Variants in SCN8A observed in about 807,000 individuals in gnomAD.
SCN8A encodes the protein sodium channel protein type 8 subunit alpha.
SCN8A carries 30 observed loss-of-function variants against 184.1 expected under a neutral mutation model. That is an observed-to-expected ratio of 0.16 (90% CI 0.12 to 0.22). The LOEUF is 0.22. Ranked by LOEUF, SCN8A falls within the 10% of genes least tolerant of loss-of-function variation. SCN8A has a pLI of 1.00. For synonymous variants in SCN8A, 852 were observed against 907.0 expected (o/e 0.94, Z 1.09); for missense variants, 1,057 against 2,498.9 (o/e 0.42, Z 12.30).
intron 11 of SCN8A, among the ~76,000 whole-genome samples, chr12:51,709,726 G>GA (rs139288774): frequency 5.7e-4 from 85 of 148,852 alleles, no homozygotes; most frequent in African/African-American, 1.7e-3. Context: ...CTTTGTGGAA[G>GA]AAAAAAAAAC....
At chr12:51,600,638 A>T (rs1400739229) in intron 1 of SCN8A, among the ~76,000 whole-genome samples, 1 of 152,176 alleles carries the variant, frequency 6.6e-6, no homozygotes, top group Non-Finnish European at 1.5e-5. Flanking sequence ...TACAGTGGTA[A>T]CTTAGAGCAA....
intron 1 of SCN8A, among the ~76,000 whole-genome samples, chr12:51,646,091 A>G (rs917044081): frequency 4.6e-5 from 7 of 151,734 alleles, no homozygotes; most frequent in Non-Finnish European, 8.8e-5. Context: ...CCAGGAACAC[A>G]TTCAGGAACA....
intron 1 of SCN8A, among the ~76,000 whole-genome samples, chr12:51,621,448 A>G (rs1939960272): frequency 6.6e-6 from 1 of 152,238 alleles, no homozygotes; most frequent in African/African-American, 2.4e-5. Context: ...ATTTAGAAAT[A>G]CAAAGTGCAT....
chr12:51,702,557 C>T (rs1464559456), intron 8 of SCN8A, among the ~76,000 whole-genome samples: 4 of 152,130 alleles, frequency 2.6e-5, no homozygotes, highest in Non-Finnish European at 5.9e-5. Flanking sequence ...TTTTAAAGAC[C>T]ATGCCAGGTG....
intron 1 of SCN8A, among the ~76,000 whole-genome samples, chr12:51,642,213 A>G (rs1393837918): frequency 6.6e-6 from 1 of 152,190 alleles, no homozygotes; most frequent in Non-Finnish European, 1.5e-5. Flanking sequence ...AATTGAAACA[A>G]GAAAGGAATG....
In SCN8A at chr12:51,806,272, C is replaced by G; in HGVS notation, c.4796-10C>G. 1.3e-6 allele frequency: 2 copies of G among 1,505,138 alleles called. No homozygotes were observed. Among genetic ancestry groups the G allele is most frequent in the Non-Finnish European group, 1.8e-6 (2 of 1,128,378 alleles). The allele number at this position is 1,505,138 out of a possible 1,614,324, so 93.2% of individuals were successfully genotyped here. The stretch of plus-strand genomic sequence containing the variant: ...CTCAATAACATAACTTCTTCTATTC[C>G]TCTTCTTAGGAATGTTCCTGGCAGA... On this transcript the variant is annotated splice_polypyrimidine_tract_variant and intron_variant, in intron 26 of 26. Transcript: ENST00000627620. The surrounding 1 kb of genome is among the most constrained non-coding windows in gnomAD (Gnocchi z 8.7).
At chr12:51,747,759 C>T (rs1942535574) in intron 13 of SCN8A, among the ~76,000 whole-genome samples, 1 of 152,056 alleles carries the variant, frequency 6.6e-6, no homozygotes, top group African/African-American at 2.4e-5. Flanking sequence ...TGGATACAAA[C>T]CATTGGGACG....
In SCN8A at chr12:51,747,081, C is replaced by CTGTGTGTG. The variant is rs1328800141; in HGVS notation, c.2131+1053_2131+1054insGTGTGTGT. On this transcript the variant is annotated intron_variant, in intron 13 of 26. Transcript: ENST00000627620. ...ATTTAAACCCAGTGCCACTTCTACTCTGTGTGTATGTGTGTGTGTGTGTGT... is the reference window on the plus strand; with the variant it reads ...ATTTAAACCCAGTGCCACTTCTACTCTGTGTGTGTGTGTGTATGTGTGTGTGTGTGTGT... 1.3e-3 allele frequency among the ~76,000 whole-genome samples: 122 copies of CTGTGTGTG among 90,612 alleles called. 2 individuals carry two copies. Among genetic ancestry groups the CTGTGTGTG allele is most frequent in the Admixed American group, 3.7e-3 (27 of 7,200 alleles). The allele number at this position is 90,612 out of a possible 152,430, so 59.4% of individuals were successfully genotyped here. A position where few individuals can be genotyped will look rare whatever the true frequency, so the allele number is the denominator to read the frequency against.
At chr12:51,616,724 G>A (rs1195818370) in intron 1 of SCN8A, among the ~76,000 whole-genome samples, 1 of 151,798 alleles carries the variant, frequency 6.6e-6, no homozygotes, top group African/African-American at 2.4e-5. Context: ...GTTTGAGACA[G>A]GCTGGGCAAC....
At chr12:51,740,685 T>C (rs1181926523) in intron 12 of SCN8A, among the ~76,000 whole-genome samples, 1 of 152,206 alleles carries the variant, frequency 6.6e-6, no homozygotes. Context: ...TAGGTCATCC[T>C]TAGTGTAGGT....
intron 15 of SCN8A, among the ~76,000 whole-genome samples, chr12:51,765,291 T>G (rs1233900096): frequency 6.6e-6 from 1 of 152,110 alleles, no homozygotes; most frequent in Non-Finnish European, 1.5e-5. Context: ...CCCATACTAG[T>G]CTTTTGGTTT....
At chr12:51,620,673 C>T (rs973818405) in intron 1 of SCN8A, among the ~76,000 whole-genome samples, 4 of 151,628 alleles carry the variant, frequency 2.6e-5, no homozygotes, top group African/African-American at 9.7e-5. Flanking sequence ...GAACCTGTTC[C>T]ACATCAGCTA....
intron 12 of SCN8A, among the ~76,000 whole-genome samples, chr12:51,740,867 C>T (rs1942411351): frequency 6.6e-6 from 1 of 152,174 alleles, no homozygotes; most frequent in African/African-American, 2.4e-5. Context: ...CCGCTGCAGC[C>T]TCAACCTTAC....
intron 26 of SCN8A, among the ~76,000 whole-genome samples, chr12:51,798,460 C>T (rs1938470012): frequency 6.6e-6 from 1 of 152,172 alleles, no homozygotes; most frequent in Non-Finnish European, 1.5e-5. Context: ...AAGCAGCCTA[C>T]CACCAAGTAG....
intron 20 of SCN8A, among the ~76,000 whole-genome samples, chr12:51,776,834 G>A (rs749556484): frequency 1.1e-4 from 17 of 152,188 alleles, no homozygotes; most frequent in Non-Finnish European, 1.5e-4. Flanking sequence ...GTTACTCATC[G>A]CATTTGTTTC....
At chr12:51,792,103 A>G (rs1365327304) in intron 25 of SCN8A, among the ~76,000 whole-genome samples, 1 of 152,108 alleles carries the variant, frequency 6.6e-6, no homozygotes, top group Non-Finnish European at 1.5e-5. Context: ...ATTGTAGGAA[A>G]AAAATTAACT....
chr12:51,759,796 G>A (rs1354174646), intron 14 of SCN8A, among the ~76,000 whole-genome samples: 1 of 152,206 alleles, frequency 6.6e-6, no homozygotes, highest in Non-Finnish European at 1.5e-5. Flanking sequence ...ACCATAGACT[G>A]GGTAATTTAT....
chr12:51,722,613 AT>A (rs1333745861), intron 12 of SCN8A: 1 of 152,336 alleles, frequency 6.6e-6, no homozygotes, highest in Admixed American at 6.5e-5. Flanking sequence ...AAAGAGGCCA[AT>A]AGGAAACTGG....
chr12:51,651,303 AAGT>A, intron 1 of SCN8A, among the ~76,000 whole-genome samples: 1 of 152,298 alleles, frequency 6.6e-6, no homozygotes, highest in South Asian at 2.1e-4. Flanking sequence ...TGCTGGGATC[AAGT>A]GATTCTCCTG....
Sources: gnomAD v4.1 joint callset for allele counts (sites outside exome capture counted in the v4.1 genomes callset) on GRCh38, gnomAD v4.1.1 for gene constraint, Gnocchi (gnomAD v3.1) non-coding constraint, MANE v1.5 for transcripts, NCBI Gene and HGNC (gene_info 2026-07-23, HGNC 2026-07-21) for gene names.